Variants in ERVMER34-1 observed in about 807,000 individuals in gnomAD.
The protein encoded by ERVMER34-1 is endogenous retroviral envelope protein HEMO.
For missense variants in ERVMER34-1, 471 were observed against 295.1 expected, an observed-to-expected ratio of 1.60 and a Z score of -4.37; for synonymous variants, 199 against 111.7, an observed-to-expected ratio of 1.78 and a Z score of -4.93.
At position 52,745,858 on chromosome 4, in the gene ERVMER34-1, T is replaced by A. The variant is rs546098581; in HGVS notation, c.-338A>T. On this transcript the variant is annotated 5_prime_UTR_variant, in exon 3 of 3. It removes the in-frame stop codon of an upstream open reading frame in the 5' UTR. Coordinates refer to ENST00000443173, the MANE Select transcript of ERVMER34-1 (RefSeq NM_001242690.2). ...TTATTTTGATGACTATGTAGGTGGT[T>A]AGCAGTACTTCATAAGGTCTCTTCT... 4.2e-6 allele frequency: 1 copy of A among 237,550 alleles called. No individual in the cohort carries two copies. The highest frequency in any genetic ancestry group is 5.0e-5 in the Admixed American group (1 of 19,968). 14.7% of individuals were successfully genotyped at this position (237,550 alleles called of 1,614,324 possible).
chr4:52,749,724 GGTT>G (rs1716239230), intron 2 of ERVMER34-1, among the ~76,000 whole-genome samples: 2 of 152,144 alleles, frequency 1.3e-5, no homozygotes, highest in Non-Finnish European at 2.9e-5. Context: ...AGGAGGTGGA[GGTT>G]GCAGTGAGCC....
At chr4:52,750,186 A>G (rs953312346) in intron 2 of ERVMER34-1, among the ~76,000 whole-genome samples, 29 of 151,994 alleles carry the variant, frequency 1.9e-4, no homozygotes, top group Admixed American at 1.4e-3. Context: ...TTTAGTAGAG[A>G]TGGGGTTTCA....
intron 2 of ERVMER34-1, among the ~76,000 whole-genome samples, chr4:52,746,957 G>A (rs370486848): frequency 2.0e-5 from 3 of 151,472 alleles, no homozygotes; most frequent in African/African-American, 7.3e-5. Context: ...GGCCGGGCAC[G>A]GTGGGACACA....
At position 52,744,807 on chromosome 4, in the gene ERVMER34-1, G is replaced by T. The variant is rs1716107697; in HGVS notation, c.714C>A (p.Gly238=). 1.4e-6 allele frequency: 1 copy of T among 704,082 alleles called. No homozygotes were observed. The highest frequency in any genetic ancestry group is 2.6e-6 in the Non-Finnish European group (1 of 385,004). The allele number at this position is 704,082 out of a possible 1,614,324, so 43.6% of individuals were successfully genotyped here. A position where few individuals can be genotyped will look rare whatever the true frequency, so the allele number is the denominator to read the frequency against. ...CLYSCQNQTK[G]LLYQLFRNLF... ...GGTTGCGAAATAGCTGGTACAGAAG[G>T]CCTTTGGTTTGGTTTTGGCAGCTAT... The change falls in exon 3 of 3, where the codon GGC becomes GGA. Residue 238 remains glycine, a synonymous_variant. Coordinates refer to ENST00000443173, the MANE Select transcript of ERVMER34-1 (RefSeq NM_001242690.2).
intron 2 of ERVMER34-1, among the ~76,000 whole-genome samples, chr4:52,747,966 G>C (rs1211556469): frequency 6.6e-6 from 1 of 152,238 alleles, no homozygotes; most frequent in Non-Finnish European, 1.5e-5. Context: ...GAACCTGGGA[G>C]GTGGAGGTTG....
At chr4:52,748,445 A>G (rs1420752404) in intron 2 of ERVMER34-1, among the ~76,000 whole-genome samples, 1 of 152,134 alleles carries the variant, frequency 6.6e-6, no homozygotes, top group East Asian at 1.9e-4. Flanking sequence ...AGACTGGCTG[A>G]CTCTGGTCAT....
chr4:52,744,290 A>C lies in ERVMER34-1; in HGVS notation c.1231T>G (p.Ser411Ala), dbSNP rs1372801147. 1.4e-6 allele frequency: 1 copy of C among 704,094 alleles called. No individual in the cohort carries two copies. The highest frequency in any genetic ancestry group is 2.6e-6 in the Non-Finnish European group (1 of 385,008). 43.6% of individuals were successfully genotyped at this position (704,094 alleles called of 1,614,324 possible). A position where few individuals can be genotyped will look rare whatever the true frequency, so the allele number is the denominator to read the frequency against. ...GCAGAGGCTAAACTGCTAACTTTTG[A>C]TTGGTGTGCTTCCAAGGTCTGCTTA... is the stretch of plus-strand genomic sequence containing the variant. ...ATKQTLEAHQ[S>A]KVSSLASASR... Residue 411 changes from serine to alanine, a missense_variant, in exon 3 of 3, where the codon TCA becomes GCA. Physicochemically the swap from Ser to Ala is moderately conservative, Grantham distance 99 (BLOSUM62 1). Coordinates refer to ENST00000443173, the MANE Select transcript of ERVMER34-1 (RefSeq NM_001242690.2).
Position 52,745,797 on chromosome 4 carries a change from A to G in ERVMER34-1, c.-277T>C, listed in dbSNP as rs1716142571. On this transcript the variant is annotated 5_prime_UTR_variant, in exon 3 of 3. Coordinates refer to ENST00000443173, the MANE Select transcript of ERVMER34-1 (RefSeq NM_001242690.2). ...TTCCAGTTGTCATATAATGATCTCA[A>G]TCTAGCTTCCTGTGGCTTGTACAAA... 7.1e-6 allele frequency: 3 copies of G among 423,908 alleles called. No individual in the cohort carries two copies. The highest frequency in any genetic ancestry group is 1.3e-5 in the Non-Finnish European group (3 of 236,988). The allele number at this position is 423,908 out of a possible 1,614,324, so 26.3% of individuals were successfully genotyped here. A position where few individuals can be genotyped will look rare whatever the true frequency, so the allele number is the denominator to read the frequency against.
intron 2 of ERVMER34-1, among the ~76,000 whole-genome samples, chr4:52,749,972 T>C (rs1440110172): frequency 6.6e-6 from 1 of 152,028 alleles, no homozygotes. Flanking sequence ...TAGATGATGA[T>C]GATGATGATT....
At chr4:52,749,566 C>T (rs1716234727) in intron 2 of ERVMER34-1, among the ~76,000 whole-genome samples, 1 of 152,100 alleles carries the variant, frequency 6.6e-6, no homozygotes, top group South Asian at 2.1e-4. Context: ...CTTTGGGAGG[C>T]CGAGGTAGGG....
chr4:52,744,940 G>A lies in ERVMER34-1; in HGVS notation c.581C>T (p.Thr194Ile). The change falls in exon 3 of 3, where the codon ACC becomes ATC. Residue 194 changes from threonine to isoleucine, a missense_variant. Transcript: ENST00000443173. ...CSWFAGCTNR[T>I]WNSSAVPLIG... ...CAAGGGAACAGCTGAGCTGTTCCAG[G>A]TCCGGTTTGTGCAACCTGCAAACCA... 1 of 704,124 alleles carries A rather than the reference G, an allele frequency of 1.4e-6. No individual in the cohort carries two copies. The highest frequency in any genetic ancestry group is 2.7e-5 in the East Asian group (1 of 37,284). The allele number at this position is 704,124 out of a possible 1,614,324, so 43.6% of individuals were successfully genotyped here. A position where few individuals can be genotyped will look rare whatever the true frequency, so the allele number is the denominator to read the frequency against.
At chr4:52,747,690 C>T (rs1716186948) in intron 2 of ERVMER34-1, among the ~76,000 whole-genome samples, 1 of 152,106 alleles carries the variant, frequency 6.6e-6, no homozygotes, top group Non-Finnish European at 1.5e-5. Flanking sequence ...CAATTGACAC[C>T]CATGGGCTCA....
chr4:52,745,421 T>C lies in ERVMER34-1; in HGVS notation c.100A>G (p.Thr34Ala). 1.4e-6 allele frequency: 1 copy of C among 704,060 alleles called. No individual in the cohort carries two copies. Among genetic ancestry groups the C allele is most frequent in the Non-Finnish European group, 2.6e-6 (1 of 384,992 alleles). 43.6% of individuals were successfully genotyped at this position (704,060 alleles called of 1,614,324 possible). A position where few individuals can be genotyped will look rare whatever the true frequency, so the allele number is the denominator to read the frequency against. The change falls in exon 3 of 3, where the codon ACA becomes GCA. Residue 34 changes from threonine (T) to alanine (A), a missense_variant. Physicochemically the swap from Thr to Ala is moderately conservative, Grantham distance 58 (BLOSUM62 0). Coordinates refer to ENST00000443173, the MANE Select transcript of ERVMER34-1 (RefSeq NM_001242690.2). ...GACTGATTAGTCAAGATAGATAGTG[T>C]CCGGAAAACTGGAGCAAGCAGGTGC... ...PQHLLAPVFR[T>A]LSILTNQSNC... is the part of the protein sequence containing the mutation.
In ERVMER34-1 at chr4:52,745,529, A is replaced by G. The variant is rs1217205741; in HGVS notation, c.-9T>C. The G allele has an allele frequency of 1.4e-6, 1 of 701,898 alleles. No homozygotes were observed. The highest frequency in any genetic ancestry group is 1.8e-5 in the African/African-American group (1 of 57,126). The allele number at this position is 701,898 out of a possible 1,614,324, so 43.5% of individuals were successfully genotyped here. ...TTTGAAAGGGAGCCCATAGTGGAGG[A>G]ACAGGCTAGATTAAAACAAGCAAAC... On this transcript the variant is annotated 5_prime_UTR_variant, in exon 3 of 3. Transcript: ENST00000443173.
At chr4:52,747,639 T>A (rs1362233355) in intron 2 of ERVMER34-1, among the ~76,000 whole-genome samples, 1 of 152,100 alleles carries the variant, frequency 6.6e-6, no homozygotes, top group African/African-American at 2.4e-5. Context: ...CCTTGGTGCA[T>A]TTGTCACCAA....
rs978829352 is a variant in ERVMER34-1 at position 52,745,043 on chromosome 4, G to T, written c.478C>A (p.Pro160Thr). 1.6e-5 allele frequency: 11 copies of T among 703,994 alleles called. No homozygotes were observed. Among genetic ancestry groups the T allele is most frequent in the Non-Finnish European group, 2.3e-5 (9 of 385,014 alleles). The allele number at this position is 703,994 out of a possible 1,614,324, so 43.6% of individuals were successfully genotyped here. A position where few individuals can be genotyped will look rare whatever the true frequency, so the allele number is the denominator to read the frequency against. Reference sequence around the variant, plus strand: ...GATTCATTTGTAACATCTATAGAGGGCATGAAGGTGCCATCTGTAGAATCA... The same window carrying T: ...GATTCATTTGTAACATCTATAGAGGTCATGAAGGTGCCATCTGTAGAATCA... ...WFDSTDGTFM[P>T]SIDVTNESRN... is the part of the protein sequence containing the mutation. Residue 160 changes from proline to threonine, a missense_variant, in exon 3 of 3, where the codon CCC (proline) becomes ACC (threonine). Coordinates refer to ENST00000443173, the MANE Select transcript of ERVMER34-1 (RefSeq NM_001242690.2).
chr4:52,743,776 AT>A lies in ERVMER34-1; in HGVS notation c.*52del. 1.4e-6 allele frequency: 2 copies of A among 1,439,180 alleles called. No individual in the cohort carries two copies. The highest frequency in any genetic ancestry group is 1.8e-6 in the Non-Finnish European group (2 of 1,099,814). 89.2% of individuals were successfully genotyped at this position (1,439,180 alleles called of 1,614,324 possible). On this transcript the variant is annotated 3_prime_UTR_variant, in exon 3 of 3. Coordinates refer to ENST00000443173, the MANE Select transcript of ERVMER34-1 (RefSeq NM_001242690.2). ...ATTCTCGGTAAGACCTGCTTTACTC[AT>A]CAAAGTTTAGCTAAGGCTTTTTGTC...
intron 2 of ERVMER34-1, among the ~76,000 whole-genome samples, chr4:52,748,902 C>G (rs1157354859): frequency 6.6e-6 from 1 of 151,926 alleles, no homozygotes; most frequent in African/African-American, 2.4e-5. Context: ...GTTGCCCAAG[C>G]TGGAATGCAG....
At position 52,743,737 on chromosome 4, in the gene ERVMER34-1, G is replaced by T; in HGVS notation, c.*92C>A. The T allele has an allele frequency of 8.2e-7, 1 of 1,221,792 alleles. No individual in the cohort carries two copies. The highest frequency in any genetic ancestry group is 1.1e-6 in the Non-Finnish European group (1 of 905,514). 75.7% of individuals were successfully genotyped at this position (1,221,792 alleles called of 1,614,324 possible). A position where few individuals can be genotyped will look rare whatever the true frequency, so the allele number is the denominator to read the frequency against. ...TTATAAGAGGAACACTCAGAGGAGG[G>T]TTTTGGCAGCTGAATTCTCGGTAAG... On this transcript the variant is annotated 3_prime_UTR_variant, in exon 3 of 3. Transcript: ENST00000443173.
Sources: gnomAD v4.1 joint callset for allele counts (sites outside exome capture counted in the v4.1 genomes callset) on GRCh38, gnomAD v4.1.1 for gene constraint, MANE v1.5 for transcripts, NCBI Gene and HGNC (gene_info 2026-07-23, HGNC 2026-07-21) for gene names.